TET2: variants seen among roughly 807,000 people sequenced by gnomAD.
TET2 encodes tet methylcytosine dioxygenase 2.
In TET2, 299 loss-of-function variants were observed where a neutral mutation model predicts 142.9. The ratio of observed to expected loss-of-function variants is 2.09; its 90% CI spans 1.90 to 2.30. The LOEUF (loss-of-function observed/expected upper bound fraction) is 2.30. Ranked by LOEUF, TET2 falls within the 30% of genes most tolerant of loss-of-function variation. The pLI is 0.00. For synonymous variants in TET2, 819 were observed against 849.0 expected (o/e 0.96, Z 0.61); for missense variants, 2,418 against 2,378.0 (o/e 1.02, Z -0.35).
chr4:105,267,309 A>C (rs1209810584), intron 8 of TET2, among the ~76,000 whole-genome samples: 1 of 152,122 alleles, frequency 6.6e-6, no homozygotes, highest in Non-Finnish European at 1.5e-5. Context: ...TAATGAAATG[A>C]ACAGTATCAA....
chr4:105,201,238 C>G (rs1024972559), intron 2 of TET2, among the ~76,000 whole-genome samples: 4 of 151,944 alleles, frequency 2.6e-5, no homozygotes, highest in Admixed American at 1.3e-4. Context: ...ATAAATTAAC[C>G]TATTAAACAA....
At chr4:105,261,720 A>G (rs1730439664) in intron 7 of TET2, 39 bp from the exon 8 acceptor site, 1 of 1,270,486 alleles carries the variant, frequency 7.9e-7, no homozygotes, top group African/African-American at 1.5e-5. Flanking sequence ...GAGAAAATGG[A>G]CTTAGAATTT....
intron 2 of TET2, among the ~76,000 whole-genome samples, chr4:105,198,246 G>T (rs553892914): frequency 1.1e-3 from 160 of 152,220 alleles, no homozygotes; most frequent in African/African-American, 3.8e-3. Flanking sequence ...TGAGGCAGGG[G>T]AATCGCTTGA....
At chr4:105,205,742 C>T (rs899129405) in intron 2 of TET2, among the ~76,000 whole-genome samples, 2 of 152,112 alleles carry the variant, frequency 1.3e-5, no homozygotes, top group Non-Finnish European at 2.9e-5. Flanking sequence ...AGAGATTCTC[C>T]TGCCTCAGCC....
intron 2 of TET2, among the ~76,000 whole-genome samples, chr4:105,197,008 T>G (rs1163329997): frequency 6.6e-6 from 1 of 152,140 alleles, no homozygotes; most frequent in Non-Finnish European, 1.5e-5. Flanking sequence ...AGTCGAGTAG[T>G]TGGAACTTCA....
intron 1 of TET2, among the ~76,000 whole-genome samples, chr4:105,177,036 A>G (rs1724840416): frequency 6.6e-6 from 1 of 152,242 alleles, no homozygotes; most frequent in African/African-American, 2.4e-5. Flanking sequence ...TCAACAAATA[A>G]TGCTGGAAAA....
chr4:105,199,995 A>T (rs1726350184), intron 2 of TET2, among the ~76,000 whole-genome samples: 1 of 152,138 alleles, frequency 6.6e-6, no homozygotes, highest in Non-Finnish European at 1.5e-5. Context: ...ATAGGACTGC[A>T]GTGAAAATAT....
intron 1 of TET2, among the ~76,000 whole-genome samples, chr4:105,158,357 A>G (rs1037081782): frequency 6.6e-6 from 1 of 152,178 alleles, no homozygotes; most frequent in African/African-American, 2.4e-5. Context: ...TTTTCTCAGT[A>G]TTGGTAAGAA....
chr4:105,233,751 A>T, intron 2 of TET2, 146 bp from the exon 3 acceptor site: 1 of 536,872 alleles, frequency 1.9e-6, no homozygotes, highest in Non-Finnish European at 3.2e-6. Context: ...TCACTATGAA[A>T]CATGAAAATA....
At chr4:105,268,737 G>A (rs928813773) in intron 8 of TET2, among the ~76,000 whole-genome samples, 5 of 152,176 alleles carry the variant, frequency 3.3e-5, no homozygotes, top group African/African-American at 4.8e-5. Context: ...TTCGGAGGCC[G>A]AGGTGGGTGG....
At chr4:105,262,260 A>G (rs987436280) in intron 8 of TET2, among the ~76,000 whole-genome samples, 6 of 152,340 alleles carry the variant, frequency 3.9e-5, no homozygotes, top group African/African-American at 1.4e-4. Flanking sequence ...ACATAAAGCT[A>G]TGCATATACT....
Position 105,276,526 on chromosome 4 carries a change from C to A in TET2, c.*7C>A. The A allele has an allele frequency of 1.3e-6, 2 of 1,544,280 alleles. No homozygotes were observed. Among genetic ancestry groups the A allele is most frequent in the African/African-American group, 1.4e-5 (1 of 72,822 alleles). On this transcript the variant is annotated 3_prime_UTR_variant, in exon 11 of 11. Transcript: ENST00000380013. ...TTACAACAGATATATATGATATCAC[C>A]CCCTTTTGTTGGTTACCTCACTTGA...
chr4:105,165,926 A>G (rs989942761), intron 1 of TET2, among the ~76,000 whole-genome samples: 2 of 152,186 alleles, frequency 1.3e-5, no homozygotes, highest in Non-Finnish European at 2.9e-5. Flanking sequence ...CTGAGTCTCT[A>G]CTATGTAAGA....
In TET2 at chr4:105,236,323, C is replaced by G. The variant is rs1334737410; in HGVS notation, c.2381C>G (p.Ser794Ter). The G allele has an allele frequency of 1.2e-6, 2 of 1,613,984 alleles. No homozygotes were observed. Among genetic ancestry groups the G allele is most frequent in the Non-Finnish European group, 1.7e-6 (2 of 1,179,988 alleles). The change falls in exon 3 of 11, where the codon TCA (serine) becomes TGA (stop). Residue 794 changes from serine to a stop codon, truncating the protein, a stop_gained. Transcript: ENST00000380013. LOFTEE classifies it high-confidence loss of function. The stretch of plus-strand genomic sequence containing the variant: ...CATGGTGAAAATCAGTATTCAAAAT[C>G]AAGCGAGTTCGAGACTCATAATGTC... The part of the protein sequence containing the change: ...CFHGENQYSK[S>*]SEFETHNVQM...
At chr4:105,274,674 G>C (rs775920601) in intron 10 of TET2, among the ~76,000 whole-genome samples, 2 of 152,076 alleles carry the variant, frequency 1.3e-5, no homozygotes, top group Non-Finnish European at 2.9e-5. Flanking sequence ...AAAAGCACTA[G>C]AAGATGAGGT....
At chr4:105,166,033 T>G (rs1724132984) in intron 1 of TET2, among the ~76,000 whole-genome samples, 2 of 152,202 alleles carry the variant, frequency 1.3e-5, no homozygotes, top group African/African-American at 4.8e-5. Context: ...GCTAAATTTA[T>G]AATATTTATA....
chr4:105,163,806 CGAGAGAGAGAGA>C (rs59658275), intron 1 of TET2, among the ~76,000 whole-genome samples: 2,117 of 79,744 alleles, frequency 0.027, 32 homozygotes, highest in South Asian at 0.036. Context: ...TCGAAAGTTT[CGAGAGAGAGAGA>C]GAGAGAGAGA....
At position 105,234,359 on chromosome 4, in the gene TET2, A is replaced by C. The variant is rs373991633; in HGVS notation, c.417A>C (p.Pro139=). 3.7e-6 allele frequency: 6 copies of C among 1,614,000 alleles called. No homozygotes were observed. The Admixed American group carries it at 8.3e-5, about 22-fold the overall frequency. The change falls in exon 3 of 11, where the codon CCA becomes CCC. Residue 139 remains proline (P), a synonymous_variant. Transcript: ENST00000380013. ...GAAATCCAGGTGAAAGCAGTCAACC[A>C]AATGTCTCCGATTTGAGTGATAAGA... ...QERNPGESSQ[P]NVSDLSDKKE...
intron 2 of TET2, among the ~76,000 whole-genome samples, chr4:105,199,651 C>G (rs1304795291): frequency 2.0e-5 from 3 of 152,082 alleles, no homozygotes; most frequent in African/African-American, 7.2e-5. Flanking sequence ...GGTATTAAGC[C>G]TAGTACCCAT....
Sources: gnomAD v4.1 joint callset for allele counts (sites outside exome capture counted in the v4.1 genomes callset) on GRCh38, gnomAD v4.1.1 for gene constraint, MANE v1.5 for transcripts, NCBI Gene and HGNC (gene_info 2026-07-23, HGNC 2026-07-21) for gene names.